Variants in CCL17 observed in about 807,000 individuals in gnomAD.
CCL17 encodes the protein C-C motif chemokine ligand 17, also known as C-C motif chemokine 17.
In CCL17, 8 loss-of-function variants were observed where a neutral mutation model predicts 7.4. The observed-to-expected ratio is 1.09, with a 90% confidence interval of 0.64 to 1.96. CCL17 has a LOEUF of 1.96. CCL17 is among the 30% of genes most tolerant of loss of function. The pLI is 0.00. For synonymous variants in CCL17, 40 were observed against 46.1 expected (o/e 0.87, Z 0.54); for missense variants, 102 against 113.0 (o/e 0.90, Z 0.44).
the CCL17 span, among the ~76,000 whole-genome samples, chr16:57,399,321 A>G: frequency 2.6e-5 from 4 of 152,176 alleles, no homozygotes; most frequent in Admixed American, 6.6e-5. Flanking sequence ...CCCTCTTTCT[A>G]GAGTGTCAGG....
intron 1 of CCL17, among the ~76,000 whole-genome samples, chr16:57,409,889 C>A (rs751129680): frequency 2.0e-5 from 3 of 152,170 alleles, no homozygotes; most frequent in Non-Finnish European, 2.9e-5. Context: ...TGATTCCCAG[C>A]CCCCTGGGCA....
At chr16:57,396,436 G>C in the CCL17 span, among the ~76,000 whole-genome samples, 5 of 152,146 alleles carry the variant, frequency 3.3e-5, no homozygotes, top group African/African-American at 1.2e-4. Flanking sequence ...TCCAGTGAGC[G>C]GCTGGAAAGG....
At chr16:57,405,460 A>T (rs1483155484) in intron 1 of CCL17, among the ~76,000 whole-genome samples, 1 of 152,074 alleles carries the variant, frequency 6.6e-6, no homozygotes, top group African/African-American at 2.4e-5. Context: ...AGATGGGGAG[A>T]TGGGAAACAA....
At chr16:57,403,667 TA>T (rs1464940074), upstream of CCL17, among the ~76,000 whole-genome samples, 12 of 88,416 alleles carry the variant, frequency 1.4e-4, 1 homozygote, top group South Asian at 8.7e-4. Flanking sequence ...TATATATATA[TA>T]TTTTTTGAGA....
In CCL17 at chr16:57,413,856, A is replaced by C. The variant is rs1231460180; in HGVS notation, c.-59-18A>C. 7.5e-7 allele frequency: 1 copy of C among 1,340,798 alleles called. No individual in the cohort carries two copies. The highest frequency in any genetic ancestry group is 1.0e-6 in the Non-Finnish European group (1 of 969,132). 83.1% of individuals were successfully genotyped at this position (1,340,798 alleles called of 1,614,324 possible). A position where few individuals can be genotyped will look rare whatever the true frequency, so the allele number is the denominator to read the frequency against. ...CAAAGAGGTTAAATAGGTCACTGCC[A>C]CCCTCGACTCTCAGCAGGGTGTCTC... On this transcript the variant is annotated intron_variant, in intron 1 of 3. Transcript: ENST00000219244.
intron 1 of CCL17, among the ~76,000 whole-genome samples, chr16:57,412,919 T>G (rs1902808073): frequency 1.3e-5 from 2 of 152,008 alleles, no homozygotes; most frequent in Admixed American, 1.3e-4. Context: ...TTCACCAACT[T>G]TATCAACCTC....
At position 57,415,224 on chromosome 16, in the gene CCL17, C is replaced by G. The variant is rs200185227; in HGVS notation, c.188+26C>G. 8.4e-6 allele frequency: 12 copies of G among 1,434,566 alleles called. No individual in the cohort carries two copies. In the East Asian group the frequency reaches 2.5e-4, roughly 30 times the overall value. 88.9% of individuals were successfully genotyped at this position (1,434,566 alleles called of 1,614,324 possible). ...GTAAGTCCCCCTGGCTCCACCCCTGCTCCTCAGGGCCAAGCATGGGGACAA... is the reference window on the plus strand; with the variant it reads ...GTAAGTCCCCCTGGCTCCACCCCTGGTCCTCAGGGCCAAGCATGGGGACAA... On this transcript the variant is annotated intron_variant, in intron 3 of 3. Transcript: ENST00000219244. The surrounding 1 kb of genome is among the most constrained non-coding windows in gnomAD (Gnocchi z 4.5).
chr16:57,403,666 A>ATTT (rs200655027), upstream of CCL17, among the ~76,000 whole-genome samples: 4 of 89,680 alleles, frequency 4.5e-5, no homozygotes, highest in Admixed American at 1.9e-4. Context: ...ATATATATAT[A>ATTT]TATTTTTTGA....
intron 2 of CCL17, among the ~76,000 whole-genome samples, chr16:57,414,359 A>T (rs1205174047): frequency 6.6e-6 from 1 of 151,698 alleles, no homozygotes; most frequent in Non-Finnish European, 1.5e-5. Flanking sequence ...ACAATGAGGG[A>T]ATCAGCATAA....
Position 57,413,172 on chromosome 16 carries a change from G to A in CCL17, c.-59-702G>A, listed in dbSNP as rs77350141. On this transcript the variant is annotated intron_variant, in intron 1 of 3. Coordinates refer to ENST00000219244, the MANE Select transcript of CCL17 (RefSeq NM_002987.3). ...TGTAAGGCATCCCATTTAGGGGAAC[G>A]TGGTTTCCTGAGCTATTTGGACTGA... Among the ~76,000 whole-genome samples, 421 of 152,330 alleles carry A rather than the reference G, an allele frequency of 2.8e-3. 3 individuals carry two copies. The highest frequency in any genetic ancestry group is 9.7e-3 in the African/African-American group (402 of 41,580).
intron 1 of CCL17, among the ~76,000 whole-genome samples, chr16:57,413,590 C>T (rs1262483261): frequency 2.0e-5 from 3 of 152,182 alleles, no homozygotes; most frequent in African/African-American, 4.8e-5. Context: ...CCCAGCTGTG[C>T]GTGGAGGCTT....
At chr16:57,397,323 G>A in the CCL17 span, among the ~76,000 whole-genome samples, 1 of 152,188 alleles carries the variant, frequency 6.6e-6, no homozygotes, top group African/African-American at 2.4e-5. Context: ...TTTGGTGGAG[G>A]GTCTTAAGTA....
intron 1 of CCL17, among the ~76,000 whole-genome samples, chr16:57,408,168 A>G (rs991476778): frequency 1.3e-5 from 2 of 151,664 alleles, no homozygotes; most frequent in African/African-American, 4.9e-5. Context: ...TCCTTTCACC[A>G]TCCATCCACC....
rs1479468882 is a variant in CCL17, at chr16:57,413,942, C to T, written c.10C>T (p.Leu4=). 4 of 1,608,466 alleles carry T rather than the reference C, an allele frequency of 2.5e-6. No homozygotes were observed. The highest frequency in any genetic ancestry group is 1.7e-5 in the Admixed American group (1 of 59,318). ...CTGGGCTCCTGGCACCATGGCCCCA[C>T]TGAAGATGCTGGCCCTGGTCACCCT... is the stretch of plus-strand genomic sequence containing the variant. MAP[L]KMLALVTLLL... is the part of the protein sequence containing the mutation. Residue 4 remains leucine, a synonymous_variant, in exon 2 of 4, where the codon CTG becomes TTG. Transcript: ENST00000219244.
At chr16:57,397,211 C>T in the CCL17 span, among the ~76,000 whole-genome samples, 1 of 152,246 alleles carries the variant, frequency 6.6e-6, no homozygotes, top group East Asian at 1.9e-4. Flanking sequence ...CTTTGGCACA[C>T]ATCACAGGCT....
intron 1 of CCL17, among the ~76,000 whole-genome samples, chr16:57,409,793 G>A (rs1310869745): frequency 3.9e-5 from 6 of 152,164 alleles, no homozygotes; most frequent in African/African-American, 1.4e-4. Flanking sequence ...CAAGTCTTTG[G>A]GACAGGGGAT....
chr16:57,414,759 G>A (rs1902841129), intron 2 of CCL17, among the ~76,000 whole-genome samples: 1 of 152,068 alleles, frequency 6.6e-6, no homozygotes. Flanking sequence ...GCCAGGTATA[G>A]ACATACAGGG....
chr16:57,403,524 ATG>A (rs1902641111), upstream of CCL17, among the ~76,000 whole-genome samples: 1 of 31,738 alleles, frequency 3.2e-5, no homozygotes, highest in African/African-American at 1.9e-4. Context: ...TATTATATAT[ATG>A]TTATATATAT....
In CCL17 at chr16:57,415,319, C is replaced by T; in HGVS notation, c.188+121C>T. 1 of 710,714 alleles carries T rather than the reference C, an allele frequency of 1.4e-6. No homozygotes were observed. Among genetic ancestry groups the T allele is most frequent in the Middle Eastern group, 2.8e-4 (1 of 3,620 alleles). 44.0% of individuals were successfully genotyped at this position (710,714 alleles called of 1,614,324 possible). The stretch of plus-strand genomic sequence containing the variant: ...AGACAGCGGGGCCTTCCTCCCCAAC[C>T]CCTGCAGGCTCCCCACACTGTGGGA... On this transcript the variant is annotated intron_variant, in intron 3 of 3. Coordinates refer to ENST00000219244, the MANE Select transcript of CCL17 (RefSeq NM_002987.3). This position sits in a 1 kb window ranked among gnomAD's most constrained non-coding sequence, Gnocchi z 4.5.
Sources: allele counts gnomAD v4.1 joint callset (sites outside exome capture counted in the v4.1 genomes callset), GRCh38; gene constraint gnomAD v4.1.1; non-coding constraint Gnocchi (gnomAD v3.1); transcripts MANE v1.5; gene names NCBI Gene and HGNC (gene_info 2026-07-23, HGNC 2026-07-21).